RBM47: variants seen among roughly 807,000 people sequenced by gnomAD.
RBM47 encodes RNA binding motif protein 47, also known as RNA-binding protein 47.
A neutral mutation model predicts 47.1 loss-of-function variants in RBM47; 21 were observed. That is an observed-to-expected ratio of 0.45 (90% CI 0.32 to 0.64). The LOEUF (loss-of-function observed/expected upper bound fraction) is 0.64. Among genes scored for constraint, RBM47 ranks in the 30% least tolerant of loss-of-function variants. The pLI is 0.05. For missense variants in RBM47, 708 were observed against 870.9 expected (o/e 0.81, Z 2.35); for synonymous variants, 375 against 361.7 (o/e 1.04, Z -0.42).
At chr4:40,461,877 G>A (rs1007218140) in intron 3 of RBM47, among the ~76,000 whole-genome samples, 2 of 151,060 alleles carry the variant, frequency 1.3e-5, no homozygotes, top group Non-Finnish European at 2.9e-5. Flanking sequence ...AGAGGTTGCA[G>A]TGAGCCAAGA....
chr4:40,569,699 A>G (rs563339872), intron 1 of RBM47, among the ~76,000 whole-genome samples: 18 of 145,750 alleles, frequency 1.2e-4, no homozygotes, highest in East Asian at 4.0e-4. Context: ...GTGAGTCACC[A>G]CGCCCGGCTC....
At chr4:40,537,428 A>C (rs1019931656) in intron 2 of RBM47, among the ~76,000 whole-genome samples, 2 of 151,552 alleles carry the variant, frequency 1.3e-5, no homozygotes, top group Non-Finnish European at 2.9e-5. Flanking sequence ...ACACCTGGCT[A>C]ATTTTTGTAG....
intron 2 of RBM47, among the ~76,000 whole-genome samples, chr4:40,530,322 G>A (rs1320196601): frequency 2.7e-5 from 4 of 150,636 alleles, no homozygotes; most frequent in East Asian, 1.9e-4. Flanking sequence ...TCTTTTTTTC[G>A]AGATGGAGTC....
At chr4:40,456,937 G>A (rs904658457) in intron 3 of RBM47, among the ~76,000 whole-genome samples, 1 of 151,760 alleles carries the variant, frequency 6.6e-6, no homozygotes, top group Non-Finnish European at 1.5e-5. Context: ...GAAGGAGGGC[G>A]ATCATGTGCT....
intron 1 of RBM47, among the ~76,000 whole-genome samples, chr4:40,580,573 A>G (rs1384571239): frequency 1.3e-5 from 2 of 152,014 alleles, no homozygotes; most frequent in Non-Finnish European, 2.9e-5. Context: ...TCATTCCCCA[A>G]CCCACCAACC....
chr4:40,608,097 A>C (rs1042048079), intron 1 of RBM47, among the ~76,000 whole-genome samples: 5 of 152,038 alleles, frequency 3.3e-5, no homozygotes, highest in African/African-American at 1.2e-4. Flanking sequence ...GCGAAACTCC[A>C]TCTCCAAAAA....
chr4:40,569,433 G>A (rs933155217), intron 1 of RBM47, among the ~76,000 whole-genome samples: 6 of 147,794 alleles, frequency 4.1e-5, no homozygotes, highest in East Asian at 2.0e-4. Flanking sequence ...TTTTTGAGAC[G>A]GAGTCTGGCT....
chr4:40,445,045 A>C (rs867480787), intron 3 of RBM47, among the ~76,000 whole-genome samples: 3 of 151,666 alleles, frequency 2.0e-5, no homozygotes, highest in Non-Finnish European at 4.4e-5. Flanking sequence ...GAGGCCGAGG[A>C]GGGCGGATCA....
At chr4:40,554,337 C>T (rs1729866210) in intron 1 of RBM47, among the ~76,000 whole-genome samples, 1 of 148,060 alleles carries the variant, frequency 6.8e-6, no homozygotes, top group Admixed American at 6.9e-5. Context: ...TGCTTTGCTT[C>T]TAACGTAAGT....
Position 40,438,180 on chromosome 4 carries a change from G to C in RBM47, c.714C>G (p.Asp238Glu), listed in dbSNP as rs759536796. The change falls in exon 4 of 7, where the codon GAC (aspartate) becomes GAG (glutamate). Residue 238 changes from aspartate (D) to glutamate (E), a missense_variant. Asp to Glu is a conservative substitution (Grantham distance 45). Coordinates refer to ENST00000295971, the MANE Select transcript of RBM47 (RefSeq NM_001098634.2). ...VDWAEPEIDV[D>E]EDVMETVKIL... ...TCTTCACGGTCTCCATCACGTCCTC[G>C]TCCACGTCGATCTCAGGTTCGGCCC... The C allele has an allele frequency of 1.2e-6, 2 of 1,609,968 alleles. No homozygotes were observed. The highest frequency in any genetic ancestry group is 1.7e-6 in the Non-Finnish European group (2 of 1,179,996).
chr4:40,603,989 C>T (rs1046392437), intron 1 of RBM47, among the ~76,000 whole-genome samples: 5 of 152,222 alleles, frequency 3.3e-5, no homozygotes, highest in Non-Finnish European at 7.3e-5. Flanking sequence ...ACACAACCAA[C>T]CACACCCAGC....
chr4:40,552,732 T>A (rs1729680164), intron 1 of RBM47, among the ~76,000 whole-genome samples: 1 of 152,358 alleles, frequency 6.6e-6, no homozygotes, highest in Admixed American at 6.5e-5. Flanking sequence ...CTCCATTCCC[T>A]GCTGTTCATT....
At chr4:40,611,927 T>C (rs1369854596) in intron 1 of RBM47, among the ~76,000 whole-genome samples, 2 of 152,110 alleles carry the variant, frequency 1.3e-5, no homozygotes, top group African/African-American at 4.8e-5. Context: ...ATGAGAGGTG[T>C]AATAAAATAA....
At chr4:40,623,074 G>A (rs1230961533) in intron 1 of RBM47, among the ~76,000 whole-genome samples, 3 of 152,202 alleles carry the variant, frequency 2.0e-5, no homozygotes, top group Non-Finnish European at 4.4e-5. Context: ...GAACATGGGT[G>A]TTACCATTTA....
chr4:40,531,987 C>T (rs1164564319), intron 2 of RBM47, among the ~76,000 whole-genome samples: 2 of 151,336 alleles, frequency 1.3e-5, no homozygotes, highest in Non-Finnish European at 2.9e-5. Context: ...TTTTGCCATA[C>T]ATCAATCTCT....
chr4:40,516,236 C>T (rs1292999652), intron 2 of RBM47, among the ~76,000 whole-genome samples: 1 of 150,592 alleles, frequency 6.6e-6, no homozygotes, highest in Admixed American at 6.6e-5. Flanking sequence ...TGGGGGAGGG[C>T]GATGATTCTC....
chr4:40,581,019 G>A (rs1196870288), intron 1 of RBM47, among the ~76,000 whole-genome samples: 1 of 152,232 alleles, frequency 6.6e-6, no homozygotes, highest in Non-Finnish European at 1.5e-5. Flanking sequence ...ATCTGTGGCT[G>A]GAATCTGGTA....
intron 2 of RBM47, among the ~76,000 whole-genome samples, chr4:40,519,476 T>C (rs10029332): frequency 0.023 from 3,547 of 151,672 alleles, 143 homozygotes; most frequent in African/African-American, 0.082. Context: ...TTTGTATTTT[T>C]AGTAGAGATG....
chr4:40,433,267 A>G (rs1251132872), intron 5 of RBM47, among the ~76,000 whole-genome samples: 8 of 151,958 alleles, frequency 5.3e-5, no homozygotes, highest in Non-Finnish European at 1.5e-5. Flanking sequence ...AGCCTAAGAT[A>G]TTTTTTAAAA....
Sources: gnomAD v4.1 joint callset for allele counts (sites outside exome capture counted in the v4.1 genomes callset) on GRCh38, gnomAD v4.1.1 for gene constraint, MANE v1.5 for transcripts, NCBI Gene and HGNC (gene_info 2026-07-23, HGNC 2026-07-21) for gene names.